The following BAD variants were observed in gnomAD, a reference collection of about 807,000 sequenced individuals.
BAD encodes the protein BCL2 associated agonist of cell death.
BAD carries 18 observed loss-of-function variants against 17.8 expected under a neutral mutation model. The ratio of observed to expected loss-of-function variants is 1.01; its 90% CI spans 0.70 to 1.50. The LOEUF (loss-of-function observed/expected upper bound fraction) is 1.50. Among genes scored for constraint, BAD ranks in the 40% most tolerant of loss-of-function variants. The pLI is 0.00. For missense variants in BAD, 294 were observed against 239.3 expected (o/e 1.23, Z -1.51); for synonymous variants, 112 against 91.5 (o/e 1.22, Z -1.28).
chr11:64,284,015 C>T (rs527991145), intron 2 of BAD, among the ~76,000 whole-genome samples, 167 bp downstream of exon 2: 85 of 152,356 alleles, frequency 5.6e-4, no homozygotes, highest in African/African-American at 2.0e-3. Context: ...ACTCAACAGT[C>T]CTACAATGGT....
chr11:64,271,919 G>T, intron 2 of BAD, 116 bp from the exon 3 acceptor site: 1 of 797,478 alleles, frequency 1.3e-6, no homozygotes, highest in Non-Finnish European at 1.7e-6. Context: ...TTCCAGGGGC[G>T]CATCACAGCC....
intron 2 of BAD, among the ~76,000 whole-genome samples, chr11:64,277,237 G>A (rs1158648469): frequency 2.0e-5 from 3 of 152,168 alleles, no homozygotes; most frequent in Admixed American, 1.3e-4. Context: ...GGAGGCTGAC[G>A]TCAGTGGCCA....
At chr11:64,270,430 C>T in intron 3 of BAD, 93 bp from the exon 4 acceptor site, 1 of 1,444,598 alleles carries the variant, frequency 6.9e-7, no homozygotes, top group Non-Finnish European at 9.3e-7. Context: ...TAAGTGAGAT[C>T]GGGGGGGAGA....
intron 2 of BAD, among the ~76,000 whole-genome samples, chr11:64,277,210 C>T (rs2033134857): frequency 6.6e-6 from 1 of 152,220 alleles, no homozygotes; most frequent in South Asian, 2.1e-4. Context: ...GCCGACCACA[C>T]ACAATCTGCT....
chr11:64,271,722 G>A lies in BAD; in HGVS notation c.269C>T (p.Pro90Leu). The A allele has an allele frequency of 6.8e-7, 1 of 1,461,668 alleles. No individual in the cohort carries two copies. The highest frequency in any genetic ancestry group is 1.4e-5 in the South Asian group (1 of 71,398). 90.5% of individuals were successfully genotyped at this position (1,461,668 alleles called of 1,614,324 possible). ...GCGCGAGCGGCCCCGAAAGGGGCTG[G>A]GCTCCTCCCCCATCCCTTCGTCGTC... ...TEDDEGMGEEPSPFRGRSRSA... is the reference protein window; with the variant it reads ...TEDDEGMGEELSPFRGRSRSA... The change falls in exon 3 of 4, where the codon CCC (proline) becomes CTC (leucine). Residue 90 changes from proline (P) to leucine (L), a missense_variant. Transcript: ENST00000309032.
chr11:64,276,566 A>G (rs1169445556), intron 2 of BAD: 1 of 192,820 alleles, frequency 5.2e-6, no homozygotes, highest in Non-Finnish European at 1.1e-5. Flanking sequence ...ACCTCAGGCA[A>G]TCCAAGTGCC....
intron 2 of BAD, among the ~76,000 whole-genome samples, chr11:64,277,410 A>G (rs1022328440): frequency 2.6e-5 from 4 of 152,202 alleles, no homozygotes; most frequent in Non-Finnish European, 5.9e-5. Flanking sequence ...AAAATCAGAA[A>G]GTACTCTAAA....
chr11:64,280,990 C>T (rs1399510857), intron 2 of BAD, among the ~76,000 whole-genome samples: 4 of 149,098 alleles, frequency 2.7e-5, no homozygotes, highest in Non-Finnish European at 5.9e-5. Flanking sequence ...TTTTTTGAGA[C>T]GGAATCTTGC....
intron 3 of BAD, chr11:64,270,617 A>T (rs1389533810): frequency 1.5e-6 from 1 of 662,916 alleles, no homozygotes; most frequent in Non-Finnish European, 2.8e-6. Context: ...CCTAGCACCC[A>T]GAAGATGAGA....
chr11:64,279,033 T>TG (rs914623815), intron 2 of BAD, among the ~76,000 whole-genome samples: 2 of 152,144 alleles, frequency 1.3e-5, no homozygotes, highest in African/African-American at 4.8e-5. Context: ...CAGCTGGGGC[T>TG]GGGGGGAGGT....
At chr11:64,284,605 C>T in intron 1 of BAD, 26 bp downstream of exon 1, 1 of 1,502,530 alleles carries the variant, frequency 6.7e-7, no homozygotes, top group Non-Finnish European at 8.9e-7. Context: ...CCCGCCCCGC[C>T]CGTGGTGACG....
intron 2 of BAD, among the ~76,000 whole-genome samples, chr11:64,279,339 A>G (rs1182557449): frequency 6.6e-6 from 1 of 151,804 alleles, no homozygotes; most frequent in Non-Finnish European, 1.5e-5. Flanking sequence ...CCCCACATCT[A>G]CCATTCCTTC....
intron 2 of BAD, among the ~76,000 whole-genome samples, chr11:64,279,274 C>A (rs1228503900): frequency 6.6e-6 from 1 of 151,980 alleles, no homozygotes; most frequent in South Asian, 2.1e-4. Context: ...CCAACTCCAA[C>A]GATGCTGCGG....
chr11:64,279,762 CAAAAAAAAAAA>C (rs35718358), intron 2 of BAD, among the ~76,000 whole-genome samples: 1 of 103,732 alleles, frequency 9.6e-6, no homozygotes, highest in East Asian at 2.9e-4. Flanking sequence ...GACTCTATCT[CAAAAAAAAAAA>C]AAAAAAAAAA....
chr11:64,280,636 C>T (rs1229921826), intron 2 of BAD, among the ~76,000 whole-genome samples: 1 of 149,794 alleles, frequency 6.7e-6, no homozygotes, highest in East Asian at 2.0e-4. Context: ...CAGGCGTGAG[C>T]CACCGCGCCT....
chr11:64,271,618 A>G lies in BAD; in HGVS notation c.373T>C (p.Phe125Leu), dbSNP rs1285986857. 7 of 1,489,470 alleles carry G rather than the reference A, an allele frequency of 4.7e-6. No homozygotes were observed. In the South Asian group the frequency reaches 7.8e-5, roughly 17 times the overall value. The allele number at this position is 1,489,470 out of a possible 1,614,324, so 92.3% of individuals were successfully genotyped here. A position where few individuals can be genotyped will look rare whatever the true frequency, so the allele number is the denominator to read the frequency against. ...RRMSDEFVDS[F>L]KKGLPRPKSA... is the part of the protein sequence containing the mutation. ...CGCTGGGGACTGGCGCTCACCTTAA[A>G]GGAGTCCACAAACTCGTCACTCATC... The change falls in exon 3 of 4, where the codon TTT becomes CTT. Residue 125 changes from phenylalanine (F) to leucine (L), a missense_variant. Transcript: ENST00000309032.
chr11:64,281,819 C>G (rs2033495366), intron 2 of BAD, among the ~76,000 whole-genome samples: 1 of 152,236 alleles, frequency 6.6e-6, no homozygotes, highest in South Asian at 2.1e-4. Context: ...CTCCCGGGTT[C>G]AAGCGATTCT....
rs1565353920 is a variant in BAD, at chr11:64,284,661, G to A, written c.-39C>T. 6.5e-7 allele frequency: 1 copy of A among 1,534,760 alleles called. No individual in the cohort carries two copies. The highest frequency in any genetic ancestry group is 1.4e-5 in the African/African-American group (1 of 73,138). On this transcript the variant is annotated 5_prime_UTR_variant, in exon 1 of 4. Transcript: ENST00000309032. ...GCCCGATCTCGAGGCCCCTGACCCG[G>A]GCCTGCCGCCTCCCTCCAGCACCCC...
At chr11:64,280,573 G>A (rs1467169179) in intron 2 of BAD, among the ~76,000 whole-genome samples, 1 of 150,772 alleles carries the variant, frequency 6.6e-6, no homozygotes, top group Non-Finnish European at 1.5e-5. Context: ...GGATGGTCTT[G>A]ATCTCCTGAC....
Sources: allele counts gnomAD v4.1 joint callset (sites outside exome capture counted in the v4.1 genomes callset), GRCh38; gene constraint gnomAD v4.1.1; transcripts MANE v1.5; gene names NCBI Gene and HGNC (gene_info 2026-07-23, HGNC 2026-07-21).